Variants in ZMYND8 observed in about 807,000 individuals in gnomAD.
ZMYND8 encodes the protein MYND-type zinc finger-containing chromatin reader ZMYND8.
Under a neutral mutation model 140.8 loss-of-function variants are expected in ZMYND8, and 37 were observed. That is an observed-to-expected ratio of 0.26 (90% CI 0.20 to 0.35). The LOEUF (loss-of-function observed/expected upper bound fraction) is 0.35, where lower values mean the gene tolerates loss of function less well. ZMYND8 is among the 10% of genes least tolerant of loss of function. ZMYND8 has a pLI of 1.00. For synonymous variants in ZMYND8, 592 were observed against 597.1 expected (o/e 0.99, Z 0.12); for missense variants, 1,068 against 1,570.0 (o/e 0.68, Z 5.40).
intron 5 of ZMYND8, among the ~76,000 whole-genome samples, chr20:47,292,149 T>TA (rs2077305542): frequency 6.6e-6 from 1 of 152,242 alleles, no homozygotes; most frequent in Non-Finnish European, 1.5e-5. Flanking sequence ...CCTGTCCTCT[T>TA]ACATTAAGAT....
intron 12 of ZMYND8, 50 bp from the exon 13 acceptor site, chr20:47,249,489 T>C (rs748079897): frequency 1.9e-6 from 3 of 1,584,526 alleles, no homozygotes; most frequent in Middle Eastern, 3.4e-4. Context: ...ACCATCCTCA[T>C]CACGGAGCTT....
intron 13 of ZMYND8, among the ~76,000 whole-genome samples, chr20:47,246,960 G>A (rs2040632880): frequency 6.6e-6 from 1 of 152,070 alleles, no homozygotes; most frequent in Non-Finnish European, 1.5e-5. Flanking sequence ...AGAACCCCGG[G>A]TTCCTGGCTC....
At chr20:47,255,500 C>T (rs1450689034) in intron 12 of ZMYND8, among the ~76,000 whole-genome samples, 2 of 147,800 alleles carry the variant, frequency 1.4e-5, no homozygotes, top group Non-Finnish European at 3.0e-5. Context: ...ATATATATAT[C>T]CACCATATAC....
chr20:47,248,516 C>A (rs753941409), intron 13 of ZMYND8, among the ~76,000 whole-genome samples: 1 of 152,216 alleles, frequency 6.6e-6, no homozygotes, highest in African/African-American at 2.4e-5. Context: ...GCCCAGCCAT[C>A]CCCCACTTCT....
At position 47,317,765 on chromosome 20, in the gene ZMYND8, T is replaced by C. The variant is rs755681577; in HGVS notation, c.86-7561A>G. 3.9e-4 allele frequency among the ~76,000 whole-genome samples: 60 copies of C among 152,218 alleles called. 1 individual carries two copies. Among genetic ancestry groups the C allele is most frequent in the Middle Eastern group, 3.4e-3 (1 of 294 alleles). On this transcript the variant is annotated intron_variant, in intron 2 of 22. Transcript: ENST00000471951. ...ACGACAGAGAGGCAGGATGCCACAG[T>C]GGTGGGGAATCAGCTTTCTGGCGTC...
chr20:47,227,121 C>G, intron 18 of ZMYND8, 82 bp downstream of exon 18: 5 of 1,405,468 alleles, frequency 3.6e-6, no homozygotes, highest in Non-Finnish European at 5.0e-6. Flanking sequence ...TAATTGCACT[C>G]ACATCTCGGC....
intron 21 of ZMYND8, among the ~76,000 whole-genome samples, chr20:47,214,805 G>GC (rs1358542200): frequency 2.0e-5 from 3 of 152,092 alleles, no homozygotes; most frequent in African/African-American, 7.2e-5. Flanking sequence ...TAAATGCGGG[G>GC]CTAAATCTCT....
chr20:47,212,153 A>G (rs1166986253), intron 22 of ZMYND8, among the ~76,000 whole-genome samples: 2 of 152,148 alleles, frequency 1.3e-5, no homozygotes, highest in African/African-American at 2.4e-5. Context: ...TCTGGGAGAA[A>G]ATCCTACAGT....
At chr20:47,301,321 AT>A (rs1255915961) in intron 3 of ZMYND8, among the ~76,000 whole-genome samples, 3 of 151,354 alleles carry the variant, frequency 2.0e-5, no homozygotes, top group Non-Finnish European at 4.4e-5. Context: ...CGCCCAGGTA[AT>A]TTTTTGTATT....
intron 12 of ZMYND8, among the ~76,000 whole-genome samples, chr20:47,258,281 G>C (rs2074905549): frequency 6.6e-6 from 1 of 152,242 alleles, no homozygotes; most frequent in African/African-American, 2.4e-5. Context: ...TGGGCCTGAA[G>C]GCCAAACTCT....
chr20:47,220,201 C>CCCCATCTG, intron 21 of ZMYND8, 57 bp downstream of exon 21: 1 of 1,438,740 alleles, frequency 7.0e-7, no homozygotes, highest in Non-Finnish European at 9.6e-7. Context: ...CAAAATGGCT[C>CCCCATCTG]CCCATCTGCC....
chr20:47,246,505 A>G lies in ZMYND8; in HGVS notation c.1787T>C (p.Ile596Thr). ...SCKAQLGINE[I>T]SEDVYTAVEH... ...TACGGCCGTATAGACATCTTCCGAG[A>G]TTTCATTTATGCCTAAATTCAAAAA... Residue 596 changes from isoleucine to threonine, a missense_variant, in exon 14 of 23, where the codon ATC becomes ACC. Around this residue, in one of 10 missense-constraint regions of ZMYND8, gnomAD observed 5 missense variants for 26.9 expected, o/e 0.19. Transcript: ENST00000471951. The G allele has an allele frequency of 1.9e-6, 3 of 1,574,706 alleles. No homozygotes were observed. The highest frequency in any genetic ancestry group is 2.6e-6 in the Non-Finnish European group (3 of 1,163,294).
chr20:47,340,591 C>T (rs188816155), intron 2 of ZMYND8, among the ~76,000 whole-genome samples: 1 of 151,662 alleles, frequency 6.6e-6, no homozygotes, highest in East Asian at 1.9e-4. Flanking sequence ...ATCAGGAGTT[C>T]GAGACCAGCC....
chr20:47,223,622 A>G (rs6012139), intron 19 of ZMYND8, among the ~76,000 whole-genome samples: 5,069 of 151,792 alleles, frequency 0.033, 287 homozygotes, highest in African/African-American at 0.11. Flanking sequence ...GTCAGGAGTT[A>G]AAGACCAGCC....
intron 2 of ZMYND8, among the ~76,000 whole-genome samples, chr20:47,341,239 G>GA (rs1346061708): frequency 2.6e-5 from 4 of 152,144 alleles, no homozygotes; most frequent in African/African-American, 9.7e-5. Flanking sequence ...TGTCTACTGA[G>GA]AAAATCTAGA....
chr20:47,219,217 C>T (rs1398785203), intron 21 of ZMYND8, among the ~76,000 whole-genome samples: 1 of 151,602 alleles, frequency 6.6e-6, no homozygotes, highest in Non-Finnish European at 1.5e-5. Flanking sequence ...GTCACCACGC[C>T]CAGCTAATTT....
chr20:47,228,217 G>GTTGTCACAATTGAGCAGTGT (rs2037975504), intron 17 of ZMYND8, among the ~76,000 whole-genome samples: 1 of 152,114 alleles, frequency 6.6e-6, no homozygotes, highest in Non-Finnish European at 1.5e-5. Flanking sequence ...GTCATTTGCG[G>GTTGTCACAATTGAGCAGTGT]TTGTCACAAT....
intron 10 of ZMYND8, 113 bp from the exon 11 acceptor site, chr20:47,276,908 AT>A (rs2076287231): frequency 8.2e-6 from 6 of 727,830 alleles, no homozygotes; most frequent in South Asian, 5.8e-5. Flanking sequence ...TTCTTATTCT[AT>A]TAAAAAAAAA....
chr20:47,290,366 C>G, intron 6 of ZMYND8, 92 bp from the exon 7 acceptor site: 1 of 1,122,962 alleles, frequency 8.9e-7, no homozygotes, highest in Non-Finnish European at 1.3e-6. Context: ...TTGTAGCAGT[C>G]ATTTGCCAAA....
Sources: allele counts gnomAD v4.1 joint callset (sites outside exome capture counted in the v4.1 genomes callset), GRCh38; gene constraint gnomAD v4.1.1; regional missense constraint gnomAD v4.1.1; transcripts MANE v1.5; gene names NCBI Gene and HGNC (gene_info 2026-07-23, HGNC 2026-07-21).